Variants in ETV6 observed in about 807,000 individuals in gnomAD.
ETV6 encodes transcription factor ETV6.
ETV6 carries 16 observed loss-of-function variants against 51.1 expected under a neutral mutation model. The ratio of observed to expected loss-of-function variants is 0.31; its 90% CI spans 0.21 to 0.48. The LOEUF is 0.48. Ranked by LOEUF, ETV6 falls within the 20% of genes least tolerant of loss-of-function variation. The pLI is 0.99. For missense variants in ETV6, 458 were observed against 594.8 expected (o/e 0.77, Z 2.39); for synonymous variants, 240 against 224.1 (o/e 1.07, Z -0.64).
intron 1 of ETV6, among the ~76,000 whole-genome samples, chr12:11,674,650 T>C (rs1052228639): frequency 1.3e-5 from 2 of 151,012 alleles, no homozygotes; most frequent in East Asian, 3.9e-4. Flanking sequence ...TGTGTGTGTG[T>C]GTGTGTGTGT....
At chr12:11,774,238 G>T (rs747591569) in intron 2 of ETV6, among the ~76,000 whole-genome samples, 13 of 152,206 alleles carry the variant, frequency 8.5e-5, no homozygotes, top group Non-Finnish European at 1.9e-4. Context: ...AGCAGTTTCA[G>T]GTCCACGGTT....
At chr12:11,839,691 G>T (rs1339638927) in intron 3 of ETV6, among the ~76,000 whole-genome samples, 1 of 152,118 alleles carries the variant, frequency 6.6e-6, no homozygotes, top group Non-Finnish European at 1.5e-5. Context: ...ACCAGCCTGG[G>T]CAATGTGGCA....
intron 1 of ETV6, among the ~76,000 whole-genome samples, chr12:11,740,148 G>C (rs1865783114): frequency 6.6e-6 from 1 of 152,172 alleles, no homozygotes; most frequent in Non-Finnish European, 1.5e-5. Context: ...GTGCCTGCTG[G>C]GTCCTTGTAC....
intron 1 of ETV6, among the ~76,000 whole-genome samples, chr12:11,722,215 C>G (rs1865401467): frequency 1.3e-5 from 2 of 152,170 alleles, no homozygotes; most frequent in African/African-American, 4.8e-5. Context: ...GAACTGCTAA[C>G]AAGGAGAAAA....
At chr12:11,880,032 TAAAAAAAA>T (rs59152213) in intron 5 of ETV6, among the ~76,000 whole-genome samples, 3 of 117,858 alleles carry the variant, frequency 2.5e-5, no homozygotes, top group South Asian at 2.8e-4. Context: ...GTCAATTGTT[TAAAAAAAA>T]AAAAAAAAAA....
At chr12:11,838,204 A>G (rs1946343074) in intron 2 of ETV6, among the ~76,000 whole-genome samples, 1 of 152,188 alleles carries the variant, frequency 6.6e-6, no homozygotes, top group South Asian at 2.1e-4. Flanking sequence ...GAGAGCGAAA[A>G]AGGCAAATAA....
chr12:11,770,644 A>G (rs1314925129), intron 2 of ETV6, among the ~76,000 whole-genome samples: 1 of 152,260 alleles, frequency 6.6e-6, no homozygotes, highest in Non-Finnish European at 1.5e-5. Flanking sequence ...AAATTAAAAT[A>G]AACCTTCTTC....
chr12:11,660,285 G>A (rs1351022013), intron 1 of ETV6, among the ~76,000 whole-genome samples: 1 of 152,188 alleles, frequency 6.6e-6, no homozygotes, highest in Non-Finnish European at 1.5e-5. Context: ...GGGTATACAG[G>A]AGGAAGTATT....
intron 2 of ETV6, among the ~76,000 whole-genome samples, chr12:11,823,490 G>C (rs1591700088): frequency 1.5e-5 from 2 of 130,964 alleles, no homozygotes; most frequent in Non-Finnish European, 3.2e-5. Flanking sequence ...TTTTTGAGTT[G>C]GAGTCTGGCA....
intron 4 of ETV6, among the ~76,000 whole-genome samples, chr12:11,868,164 A>T (rs2136535644): frequency 6.6e-6 from 1 of 152,238 alleles, no homozygotes; most frequent in Non-Finnish European, 1.5e-5. Context: ...CATTCTGTAA[A>T]TTGGGGCCAC....
In ETV6 at chr12:11,771,035, T is replaced by A. The variant is rs527761458; in HGVS notation, c.163+18456T>A. Among the ~76,000 whole-genome samples the A allele has an allele frequency of 8.5e-5, 13 of 152,378 alleles. No homozygotes were observed. In the South Asian group the frequency reaches 2.7e-3, roughly 32 times the overall value. On this transcript the variant is annotated intron_variant, in intron 2 of 7. Transcript: ENST00000396373. ...AGTCTATTTGTCTCCCATTAGAGAC[T>A]GGTTGTGACAGCATTGCCATTGACC...
chr12:11,653,053 G>C (rs1591586314), intron 1 of ETV6, among the ~76,000 whole-genome samples: 2 of 152,122 alleles, frequency 1.3e-5, no homozygotes, highest in Admixed American at 1.3e-4. Context: ...TCCTGGGGGG[G>C]TCTGTCCTAC....
At chr12:11,757,895 T>C (rs1228195619) in intron 2 of ETV6, among the ~76,000 whole-genome samples, 1 of 152,150 alleles carries the variant, frequency 6.6e-6, no homozygotes, top group Admixed American at 6.5e-5. Flanking sequence ...CTGTGGATGG[T>C]TTATTCTGGT....
intron 5 of ETV6, 130 bp from the exon 6 acceptor site, chr12:11,884,315 G>A (rs1340887108): frequency 2.0e-6 from 2 of 1,019,162 alleles, no homozygotes; most frequent in Non-Finnish European, 2.9e-6. Context: ...GGTAAAACAA[G>A]GAAGTTAGTT....
intron 2 of ETV6, among the ~76,000 whole-genome samples, chr12:11,759,658 T>C (rs1386297991): frequency 1.3e-5 from 2 of 152,228 alleles, no homozygotes; most frequent in African/African-American, 4.8e-5. Context: ...TCTGTGGTCT[T>C]TCTCTCGTCT....
chr12:11,883,276 CTTTTTTTTTTTTTTTT>C (rs547786286), intron 5 of ETV6, among the ~76,000 whole-genome samples: 29 of 79,116 alleles, frequency 3.7e-4, no homozygotes, highest in African/African-American at 1.8e-3. Flanking sequence ...ATGTCTTCTT[CTTTTTTTTTTTTTTTT>C]TTTTTTTTTT....
At chr12:11,777,622 T>A (rs1421321281) in intron 2 of ETV6, among the ~76,000 whole-genome samples, 2 of 152,270 alleles carry the variant, frequency 1.3e-5, no homozygotes, top group Admixed American at 6.5e-5. Flanking sequence ...CCTCCTTGTC[T>A]TCCTGCTGTA....
chr12:11,742,139 G>A (rs1391245560), intron 1 of ETV6, among the ~76,000 whole-genome samples: 2 of 152,176 alleles, frequency 1.3e-5, no homozygotes, highest in African/African-American at 4.8e-5. Flanking sequence ...TTAACTACAG[G>A]GCTACAAGAG....
At chr12:11,884,345 G>A (rs2472236) in intron 5 of ETV6, 100 bp from the exon 6 acceptor site, 19 of 1,337,602 alleles carry the variant, frequency 1.4e-5, no homozygotes, top group Non-Finnish European at 1.9e-5. Context: ...GTCAACCCAA[G>A]CTAGGCAGAA....
Sources: gnomAD v4.1 joint callset for allele counts (sites outside exome capture counted in the v4.1 genomes callset) on GRCh38, gnomAD v4.1.1 for gene constraint, MANE v1.5 for transcripts, NCBI Gene and HGNC (gene_info 2026-07-23, HGNC 2026-07-21) for gene names.